NCKAP5: variants seen among roughly 807,000 people sequenced by gnomAD.
NCKAP5 encodes the protein NCK associated protein 5.
NCKAP5 carries 92 observed loss-of-function variants against 167.0 expected under a neutral mutation model. The ratio of observed to expected loss-of-function variants is 0.55; its 90% CI spans 0.47 to 0.66. The LOEUF (loss-of-function observed/expected upper bound fraction) is 0.66. Ranked by LOEUF, NCKAP5 falls within the 30% of genes least tolerant of loss-of-function variation. The pLI, the probability that NCKAP5 is intolerant of heterozygous loss-of-function variation, is 0.00. For missense variants in NCKAP5, 2,378 were observed against 2,315.0 expected, an observed-to-expected ratio of 1.03 and a Z score of -0.56; for synonymous variants, 891 against 877.4, an observed-to-expected ratio of 1.02 and a Z score of -0.27.
chr2:133,539,224 G>C (rs896861534), intron 2 of NCKAP5, among the ~76,000 whole-genome samples: 1 of 152,106 alleles, frequency 6.6e-6, no homozygotes, highest in Non-Finnish European at 1.5e-5. Context: ...ACAGGCGTGA[G>C]CCTCCATGCC....
chr2:133,309,010 G>A (rs1314839244), intron 3 of NCKAP5, among the ~76,000 whole-genome samples: 2 of 151,950 alleles, frequency 1.3e-5, no homozygotes, highest in Non-Finnish European at 2.9e-5. Flanking sequence ...GCGCCCGGCC[G>A]AAGAAATACA....
At chr2:133,387,051 G>T (rs977778911) in intron 3 of NCKAP5, among the ~76,000 whole-genome samples, 1 of 152,118 alleles carries the variant, frequency 6.6e-6, no homozygotes, top group Non-Finnish European at 1.5e-5. Context: ...TTACATTTAA[G>T]GTTAATATAG....
chr2:133,578,885 T>A, the NCKAP5 span, among the ~76,000 whole-genome samples: 2 of 152,222 alleles, frequency 1.3e-5, no homozygotes, highest in African/African-American at 2.4e-5. Flanking sequence ...ACTGGAACAC[T>A]GACTCAGGGT....
chr2:133,030,728 G>A (rs1402918220), intron 6 of NCKAP5, among the ~76,000 whole-genome samples: 7 of 152,206 alleles, frequency 4.6e-5, no homozygotes, highest in Non-Finnish European at 7.3e-5. Context: ...AGTTCAGGCT[G>A]CTGTAGGGGA....
chr2:133,606,387 GT>G, the NCKAP5 span, among the ~76,000 whole-genome samples: 1 of 152,136 alleles, frequency 6.6e-6, no homozygotes, highest in Non-Finnish European at 1.5e-5. Context: ...CCCTGAAATT[GT>G]TTTTCATCAA....
chr2:133,237,877 CCT>C (rs1236339068), intron 4 of NCKAP5, among the ~76,000 whole-genome samples: 2 of 152,182 alleles, frequency 1.3e-5, no homozygotes, highest in Non-Finnish European at 1.5e-5. Flanking sequence ...TGTACCAGCA[CCT>C]CTCCCCTTCA....
At chr2:133,178,608 G>A (rs1012467334) in intron 5 of NCKAP5, among the ~76,000 whole-genome samples, 4 of 147,456 alleles carry the variant, frequency 2.7e-5, no homozygotes, top group African/African-American at 7.6e-5. Context: ...GGCGGATCAC[G>A]AGGTCAGAAG....
At chr2:133,090,787 T>TGG (rs760418297) in intron 6 of NCKAP5, among the ~76,000 whole-genome samples, 6 of 128,002 alleles carry the variant, frequency 4.7e-5, no homozygotes, top group Non-Finnish European at 9.8e-5. Flanking sequence ...GTTGGAGACT[T>TGG]GGCGGGGGAA....
At chr2:132,902,548 A>G (rs1006674103) in intron 8 of NCKAP5, among the ~76,000 whole-genome samples, 3 of 152,238 alleles carry the variant, frequency 2.0e-5, no homozygotes, top group African/African-American at 7.2e-5. Flanking sequence ...GAGTACATTA[A>G]AAGCTGCCCA....
chr2:133,274,239 A>AT (rs2089637908), intron 4 of NCKAP5, among the ~76,000 whole-genome samples: 1 of 151,992 alleles, frequency 6.6e-6, no homozygotes, highest in African/African-American at 2.4e-5. Flanking sequence ...TGTTCTTAAG[A>AT]TATGTACCAA....
In NCKAP5 at chr2:132,851,942, C is replaced by T. The variant is rs566829866; in HGVS notation, c.807+8550G>A. 3.3e-5 allele frequency among the ~76,000 whole-genome samples: 5 copies of T among 152,228 alleles called. No homozygotes were observed. In the South Asian group the frequency reaches 1.0e-3, roughly 32 times the overall value. On this transcript the variant is annotated intron_variant, in intron 11 of 19. Coordinates refer to ENST00000409261, the MANE Select transcript of NCKAP5 (RefSeq NM_207363.3). Reference sequence around the variant, plus strand: ...CAGAGTTTAGGTTACTTAATCTTTTCGTGCCGGGAATAAGATTTCCCTAGT... The same window carrying T: ...CAGAGTTTAGGTTACTTAATCTTTTTGTGCCGGGAATAAGATTTCCCTAGT...
At chr2:133,072,541 G>T (rs936246853) in intron 6 of NCKAP5, among the ~76,000 whole-genome samples, 3 of 152,046 alleles carry the variant, frequency 2.0e-5, no homozygotes, top group African/African-American at 7.2e-5. Flanking sequence ...GTACTTACAA[G>T]GACTCTATAT....
intron 19 of NCKAP5, among the ~76,000 whole-genome samples, chr2:132,686,647 T>C (rs542230582): frequency 6.6e-6 from 1 of 152,318 alleles, no homozygotes; most frequent in African/African-American, 2.4e-5. Context: ...TTCCCCCCTA[T>C]CACTTTAACT....
chr2:133,043,548 A>G (rs2079286589), intron 6 of NCKAP5, among the ~76,000 whole-genome samples: 1 of 152,200 alleles, frequency 6.6e-6, no homozygotes. Flanking sequence ...AAAACTCATT[A>G]TGTTTTAAGA....
intron 12 of NCKAP5, 69 bp from the exon 13 acceptor site, chr2:132,790,274 G>T: frequency 7.2e-7 from 1 of 1,386,018 alleles, no homozygotes. Flanking sequence ...ACAACCTTAT[G>T]GTGAGGTAGA....
chr2:133,664,728 G>A, the NCKAP5 span, among the ~76,000 whole-genome samples: 1 of 152,070 alleles, frequency 6.6e-6, no homozygotes, highest in South Asian at 2.1e-4. Flanking sequence ...TCAATCTCCT[G>A]ACCTTGTGAT....
chr2:133,046,671 A>C (rs907832380), intron 6 of NCKAP5, among the ~76,000 whole-genome samples: 11 of 152,148 alleles, frequency 7.2e-5, no homozygotes, highest in Non-Finnish European at 1.6e-4. Flanking sequence ...GAGCCACTGC[A>C]CTTGGCCCAG....
chr2:133,002,012 T>C (rs1340778822), intron 6 of NCKAP5, among the ~76,000 whole-genome samples: 1 of 152,132 alleles, frequency 6.6e-6, no homozygotes, highest in Non-Finnish European at 1.5e-5. Flanking sequence ...GTGTAGATTA[T>C]ATGAAAATAT....
intron 16 of NCKAP5, among the ~76,000 whole-genome samples, chr2:132,739,813 G>C (rs1691859277): frequency 6.6e-6 from 1 of 152,142 alleles, no homozygotes; most frequent in Non-Finnish European, 1.5e-5. Context: ...TGAGGTAGCT[G>C]CAATCTGCCT....
Sources: allele counts gnomAD v4.1 joint callset (sites outside exome capture counted in the v4.1 genomes callset), GRCh38; gene constraint gnomAD v4.1.1; transcripts MANE v1.5; gene names NCBI Gene and HGNC (gene_info 2026-07-23, HGNC 2026-07-21).